Variants in TMOD2 observed in about 807,000 individuals in gnomAD.
The protein encoded by TMOD2 is tropomodulin 2, also known as tropomodulin-2.
TMOD2 carries 22 observed loss-of-function variants against 39.9 expected under a neutral mutation model. That is an observed-to-expected ratio of 0.55 (90% CI 0.39 to 0.79). The LOEUF (loss-of-function observed/expected upper bound fraction) is 0.79, where lower values mean the gene tolerates loss of function less well. TMOD2 is among the 30% of genes least tolerant of loss of function. The pLI, the probability that TMOD2 is intolerant of heterozygous loss-of-function variation, is 0.00. For synonymous variants in TMOD2, 123 were observed against 146.1 expected (o/e 0.84, Z 1.14); for missense variants, 386 against 413.3 (o/e 0.93, Z 0.57).
rs2056145982 is a variant in TMOD2 at position 51,810,014 on chromosome 15, A to T, written c.*1560A>T. On this transcript the variant is annotated 3_prime_UTR_variant, in exon 10 of 10. Coordinates refer to ENST00000249700, the MANE Select transcript of TMOD2 (RefSeq NM_014548.4). ...CTTTGAAACATCTCATTATCTTGAAATTTTTTTAATGTTTGAGAACACCAT... is the reference window on the plus strand; with the variant it reads ...CTTTGAAACATCTCATTATCTTGAATTTTTTTTAATGTTTGAGAACACCAT... The T allele has an allele frequency of 6.6e-6, 1 of 152,104 alleles. No individual in the cohort carries two copies. The highest frequency in any genetic ancestry group is 1.5e-5 in the Non-Finnish European group (1 of 68,018). The allele number at this position is 152,104 out of a possible 1,614,324, so 9.4% of individuals were successfully genotyped here. A position where few individuals can be genotyped will look rare whatever the true frequency, so the allele number is the denominator to read the frequency against.
At chr15:51,776,241 A>C (rs2055888525) in intron 4 of TMOD2, among the ~76,000 whole-genome samples, 1 of 152,148 alleles carries the variant, frequency 6.6e-6, no homozygotes, top group Admixed American at 6.5e-5. Context: ...CCCTTCTGGG[A>C]TCCTTCTTCA....
intron 7 of TMOD2, among the ~76,000 whole-genome samples, chr15:51,793,368 T>G (rs953441847): frequency 6.6e-6 from 1 of 152,204 alleles, no homozygotes; most frequent in Admixed American, 6.5e-5. Context: ...TTTTGCATTC[T>G]TTTTTTCATA....
At chr15:51,752,852 C>T (rs1007089977) in intron 1 of TMOD2, 2 of 152,204 alleles carry the variant, frequency 1.3e-5, no homozygotes, top group African/African-American at 4.8e-5. Flanking sequence ...GATCGACTCT[C>T]TTCAGTCTAA....
At position 51,792,851 on chromosome 15, in the gene TMOD2, C is replaced by A. The variant is rs777944206; in HGVS notation, c.733-5346C>A. 8.5e-5 allele frequency among the ~76,000 whole-genome samples: 13 copies of A among 152,190 alleles called. No individual in the cohort carries two copies. In the South Asian group the frequency reaches 1.7e-3, roughly 19 times the overall value. Reference sequence around the variant, plus strand: ...GACACAGGGAGGGGAATATCACACACCGGGGCCTGTGGAGGGTGGGGTGCT... The same window carrying A: ...GACACAGGGAGGGGAATATCACACAACGGGGCCTGTGGAGGGTGGGGTGCT... On this transcript the variant is annotated intron_variant, in intron 7 of 9. Coordinates refer to ENST00000249700, the MANE Select transcript of TMOD2 (RefSeq NM_014548.4).
chr15:51,764,007 G>A (rs942067433), intron 1 of TMOD2, among the ~76,000 whole-genome samples: 3 of 151,630 alleles, frequency 2.0e-5, no homozygotes, highest in Admixed American at 2.0e-4. Flanking sequence ...AGAACAAAGT[G>A]TATAGGATCC....
intron 4 of TMOD2, among the ~76,000 whole-genome samples, chr15:51,775,727 G>A (rs761407892): frequency 3.6e-4 from 55 of 151,878 alleles, no homozygotes; most frequent in African/African-American, 1.3e-3. Context: ...ACAGGTGCCC[G>A]CCACCACGCC....
intron 5 of TMOD2, among the ~76,000 whole-genome samples, chr15:51,777,419 T>C (rs2055896985): frequency 6.6e-6 from 1 of 152,228 alleles, no homozygotes; most frequent in South Asian, 2.1e-4. Context: ...TTCCCTTCTC[T>C]ATTTGAGTGT....
rs1463517071 is a variant in TMOD2, at chr15:51,809,557, A to G, written c.*1103A>G. On this transcript the variant is annotated 3_prime_UTR_variant, in exon 10 of 10. Coordinates refer to ENST00000249700, the MANE Select transcript of TMOD2 (RefSeq NM_014548.4). ...GTGAAAGTACAAGTGAGATGGTTGC[A>G]TTGTAGTATGCATTAATCTTTCAAT... 2 of 152,246 alleles carry G rather than the reference A, an allele frequency of 1.3e-5. No homozygotes were observed. Among genetic ancestry groups the G allele is most frequent in the African/African-American group, 2.4e-5 (1 of 41,476 alleles). 9.4% of individuals were successfully genotyped at this position (152,246 alleles called of 1,614,324 possible).
rs1364591203 is a variant in TMOD2 at position 51,813,330 on chromosome 15, C to T, written c.*4876C>T. ...TTGTAACCTGACTCTGGGTTCTGTTCTAGGAATAGTGCATGTTTTAGAGGC... is the reference window on the plus strand; with the variant it reads ...TTGTAACCTGACTCTGGGTTCTGTTTTAGGAATAGTGCATGTTTTAGAGGC... On this transcript the variant is annotated 3_prime_UTR_variant, in exon 10 of 10. Transcript: ENST00000249700. The T allele has an allele frequency of 6.6e-6, 1 of 152,166 alleles. No individual in the cohort carries two copies. The highest frequency in any genetic ancestry group is 2.4e-5 in the African/African-American group (1 of 41,422). The allele number at this position is 152,166 out of a possible 1,614,324, so 9.4% of individuals were successfully genotyped here.
chr15:51,768,259 C>T lies in TMOD2; in HGVS notation c.127-3C>T. On this transcript the variant is annotated splice_region_variant and splice_polypyrimidine_tract_variant and intron_variant, in intron 2 of 9. Coordinates refer to ENST00000249700, the MANE Select transcript of TMOD2 (RefSeq NM_014548.4). ...CTTCCTGCTCACACCTCTTTCTTGT[C>T]AGAGTGCCATGCTGCCAGCTGGATT... 2 of 1,614,048 alleles carry T rather than the reference C, an allele frequency of 1.2e-6. No homozygotes were observed. Among genetic ancestry groups the T allele is most frequent in the Non-Finnish European group, 1.7e-6 (2 of 1,179,950 alleles).
chr15:51,759,575 C>T (rs1567234413), intron 1 of TMOD2, among the ~76,000 whole-genome samples: 1 of 152,054 alleles, frequency 6.6e-6, no homozygotes, highest in Non-Finnish European at 1.5e-5. Context: ...GAAGAAAAAC[C>T]ATCTATGTTG....
At chr15:51,806,315 G>A (rs2056120962) in intron 8 of TMOD2, 62 bp from the exon 9 acceptor site, 1 of 1,589,220 alleles carries the variant, frequency 6.3e-7, no homozygotes, top group Non-Finnish European at 8.6e-7. Context: ...TTTTTCCTGT[G>A]CAAGTAACTG....
At chr15:51,776,888 A>C in intron 4 of TMOD2, 44 bp from the exon 5 acceptor site, 1 of 1,492,004 alleles carries the variant, frequency 6.7e-7, no homozygotes, top group South Asian at 1.1e-5. Context: ...GGACATCCTA[A>C]TGTGCTTCTC....
chr15:51,801,947 T>TATAAC (rs60325139), intron 8 of TMOD2, among the ~76,000 whole-genome samples: 65,693 of 148,208 alleles, frequency 0.44, 14,807 homozygotes, highest in Admixed American at 0.52. Flanking sequence ...TATAATATAA[T>TATAAC]ATAACATAAT....
At chr15:51,766,351 T>C in intron 1 of TMOD2, 22 bp from the exon 2 acceptor site, 1 of 1,244,186 alleles carries the variant, frequency 8.0e-7, no homozygotes, top group South Asian at 1.5e-5. Context: ...TCTTTTTTAT[T>C]GTGTTTCTTT....
chr15:51,797,138 C>G (rs1174755485), intron 7 of TMOD2, among the ~76,000 whole-genome samples: 2 of 152,174 alleles, frequency 1.3e-5, no homozygotes, highest in Admixed American at 6.5e-5. Flanking sequence ...TAACTGAAAC[C>G]GCAGATTGCA....
chr15:51,776,283 A>G (rs918719507), intron 4 of TMOD2, among the ~76,000 whole-genome samples: 6 of 152,204 alleles, frequency 3.9e-5, no homozygotes, highest in Non-Finnish European at 7.3e-5. Flanking sequence ...TTTCATTAGC[A>G]AAGGGAAATC....
At position 51,771,843 on chromosome 15, in the gene TMOD2, C is replaced by T. The variant is rs372826519; in HGVS notation, c.284-1869C>T. 2.4e-4 allele frequency among the ~76,000 whole-genome samples: 37 copies of T among 152,238 alleles called. No homozygotes were observed. The East Asian group carries it at 5.0e-3, about 21-fold the overall frequency. On this transcript the variant is annotated intron_variant, in intron 3 of 9. Transcript: ENST00000249700. Reference sequence around the variant, plus strand: ...TTTCCATTTTCTATCTTCTGGCCATCCTCCTAATTTGTTTCCCAGTGTATT... The same window carrying T: ...TTTCCATTTTCTATCTTCTGGCCATTCTCCTAATTTGTTTCCCAGTGTATT...
rs145375774 is a variant in TMOD2 at position 51,786,057 on chromosome 15, T to G, written c.732+3229T>G. ...ATATACGTATATATACATATATATA[T>G]TCATTTATATGGATAGAGTTTTCAA... On this transcript the variant is annotated intron_variant, in intron 7 of 9. Transcript: ENST00000249700. 2.6e-5 allele frequency among the ~76,000 whole-genome samples: 4 copies of G among 152,252 alleles called. No individual in the cohort carries two copies. The East Asian group carries it at 7.7e-4, about 29-fold the overall frequency.
Sources: gnomAD v4.1 joint callset for allele counts (sites outside exome capture counted in the v4.1 genomes callset) on GRCh38, gnomAD v4.1.1 for gene constraint, MANE v1.5 for transcripts, NCBI Gene and HGNC (gene_info 2026-07-23, HGNC 2026-07-21) for gene names.